The following LRRC52 variants were observed in gnomAD, a reference collection of about 807,000 sequenced individuals.
The protein encoded by LRRC52 is leucine rich repeat containing 52, also known as leucine-rich repeat-containing protein 52.
In LRRC52, 15 loss-of-function variants were observed where a neutral mutation model predicts 14.7. The ratio of observed to expected loss-of-function variants is 1.02; its 90% CI spans 0.68 to 1.58. The LOEUF is 1.58. LRRC52 is among the 40% of genes most tolerant of loss of function. LRRC52 has a pLI of 0.00. For synonymous variants in LRRC52, 180 were observed against 163.9 expected, an observed-to-expected ratio of 1.10 and a Z score of -0.75; for missense variants, 400 against 387.7, an observed-to-expected ratio of 1.03 and a Z score of -0.27.
chr1:165,558,205 G>A (rs899454772), intron 1 of LRRC52, among the ~76,000 whole-genome samples: 1 of 151,678 alleles, frequency 6.6e-6, no homozygotes, highest in African/African-American at 2.4e-5. Flanking sequence ...TAAACCAGGT[G>A]GTGGTTTATG....
chr1:165,562,319 A>G (rs755882795), intron 1 of LRRC52, among the ~76,000 whole-genome samples: 1 of 152,204 alleles, frequency 6.6e-6, no homozygotes, highest in African/African-American at 2.4e-5. Flanking sequence ...ACTGGCTGCT[A>G]TTATAATTTT....
chr1:165,545,070 G>C (rs1296167051), intron 1 of LRRC52, 152 bp downstream of exon 1: 1 of 979,676 alleles, frequency 1.0e-6, no homozygotes, highest in Non-Finnish European at 1.5e-6. Context: ...TGGGTTGACT[G>C]GAGTAGCAGT....
intron 1 of LRRC52, among the ~76,000 whole-genome samples, chr1:165,559,118 G>T (rs1049578472): frequency 2.0e-5 from 3 of 152,206 alleles, no homozygotes; most frequent in African/African-American, 4.8e-5. Flanking sequence ...GCCAGGTGTG[G>T]TGGCTCACGC....
At chr1:165,549,850 G>A (rs1001781142) in intron 1 of LRRC52, among the ~76,000 whole-genome samples, 5 of 152,108 alleles carry the variant, frequency 3.3e-5, no homozygotes, top group South Asian at 2.1e-4. Context: ...TCAAGTTGGC[G>A]AGATCTGGCA....
intron 1 of LRRC52, among the ~76,000 whole-genome samples, chr1:165,550,457 T>C (rs906358927): frequency 3.9e-5 from 6 of 152,236 alleles, no homozygotes; most frequent in African/African-American, 9.6e-5. Flanking sequence ...TTTATTTTAT[T>C]TTATTTCAAT....
intron 1 of LRRC52, among the ~76,000 whole-genome samples, chr1:165,552,516 G>C (rs1299156804): frequency 3.9e-5 from 6 of 152,180 alleles, no homozygotes; most frequent in African/African-American, 1.4e-4. Context: ...TGGAGGTAAG[G>C]CTAGGAAGGA....
At chr1:165,559,203 A>G (rs995142203) in intron 1 of LRRC52, among the ~76,000 whole-genome samples, 3 of 152,180 alleles carry the variant, frequency 2.0e-5, no homozygotes, top group African/African-American at 7.2e-5. Flanking sequence ...AGCCTGGCCA[A>G]CATGGTGAAA....
Position 165,544,870 on chromosome 1 carries a change from T to C in LRRC52, c.574T>C (p.Phe192Leu). The C allele has an allele frequency of 6.2e-7, 1 of 1,614,046 alleles. No homozygotes were observed. The highest frequency in any genetic ancestry group is 8.5e-7 in the Non-Finnish European group (1 of 1,179,904). The part of the protein sequence containing the change: ...SGNPWKCNCS[F>L]LDFAIFLIVF... Reference sequence around the variant, plus strand: ...AAACCCCTGGAAGTGCAACTGCTCTTTCCTGGACTTCGCCATCTTCTTAAT... The same window carrying C: ...AAACCCCTGGAAGTGCAACTGCTCTCTCCTGGACTTCGCCATCTTCTTAAT... Residue 192 changes from phenylalanine to leucine, a missense_variant, in exon 1 of 2, where the codon TTC becomes CTC. By Grantham distance (22) the Phe-to-Leu change is conservative (BLOSUM62 0). Transcript: ENST00000294818.
chr1:165,563,044 G>T (rs1237932854), intron 1 of LRRC52, among the ~76,000 whole-genome samples: 1 of 152,180 alleles, frequency 6.6e-6, no homozygotes, highest in Non-Finnish European at 1.5e-5. Flanking sequence ...AAGGGACAAG[G>T]TGAAGGGAAA....
chr1:165,547,130 C>T (rs1307755715), intron 1 of LRRC52, among the ~76,000 whole-genome samples: 5 of 152,104 alleles, frequency 3.3e-5, no homozygotes, highest in Admixed American at 2.0e-4. Context: ...ATTTTTAACC[C>T]TATCCTTGGA....
At chr1:165,545,078 A>C (rs1660992775) in intron 1 of LRRC52, among the ~76,000 whole-genome samples, 160 bp downstream of exon 1, 1 of 152,180 alleles carries the variant, frequency 6.6e-6, no homozygotes, top group Non-Finnish European at 1.5e-5. Flanking sequence ...CTGGAGTAGC[A>C]GTAAGAAAAA....
intron 1 of LRRC52, among the ~76,000 whole-genome samples, chr1:165,550,119 G>C (rs1661101856): frequency 6.6e-6 from 1 of 152,210 alleles, no homozygotes. Context: ...TTCCTGGCCA[G>C]CACTGTTATT....
chr1:165,544,776 C>G lies in LRRC52; in HGVS notation c.480C>G (p.Thr160=), dbSNP rs145989841. ...TGAGGTACCTGGACCTCAGAAATAC[C>G]GGCTTGCAGACCCTGGACAGTGCTG... The part of the protein sequence containing the change: ...TSLRYLDLRN[T]GLQTLDSAAL... The change falls in exon 1 of 2, where the codon ACC becomes ACG. Residue 160 remains threonine (T), a synonymous_variant. Transcript: ENST00000294818. The G allele has an allele frequency of 1.2e-6, 2 of 1,614,060 alleles. No homozygotes were observed. The highest frequency in any genetic ancestry group is 1.3e-5 in the African/African-American group (1 of 74,976).
chr1:165,547,881 C>A (rs1571105203), intron 1 of LRRC52, among the ~76,000 whole-genome samples: 1 of 152,158 alleles, frequency 6.6e-6, no homozygotes, highest in Non-Finnish European at 1.5e-5. Flanking sequence ...CTAGCCAAAC[C>A]TCAATGTAAG....
Position 165,561,591 on chromosome 1 carries a change from T to C in LRRC52, c.623-1914T>C, listed in dbSNP as rs144733751. On this transcript the variant is annotated intron_variant, in intron 1 of 1. Coordinates refer to ENST00000294818, the MANE Select transcript of LRRC52 (RefSeq NM_001005214.4). ...CAGCCCTCAACTCCTTTCCCTCTAC[T>C]TGAGAGCTCTCTGGTGGGGCAGGTT... Among the ~76,000 whole-genome samples, 819 of 152,330 alleles carry C rather than the reference T, an allele frequency of 5.4e-3. 4 individuals carry two copies. The highest frequency in any genetic ancestry group is 0.013 in the South Asian group (65 of 4,820).
chr1:165,545,750 C>G (rs1661009476), intron 1 of LRRC52, among the ~76,000 whole-genome samples: 1 of 152,100 alleles, frequency 6.6e-6, no homozygotes, highest in Admixed American at 6.5e-5. Context: ...CTGTCTCATC[C>G]TTACCCTCCA....
At chr1:165,552,470 C>T (rs955248113) in intron 1 of LRRC52, among the ~76,000 whole-genome samples, 7 of 152,074 alleles carry the variant, frequency 4.6e-5, no homozygotes, top group African/African-American at 1.7e-4. Context: ...GGGGAACATG[C>T]AATATATCCT....
rs1456270957 is a variant in LRRC52 at position 165,563,535 on chromosome 1, C to T, written c.653C>T (p.Thr218Ile). The T allele has an allele frequency of 1.2e-6, 2 of 1,614,008 alleles. No homozygotes were observed. Among genetic ancestry groups the T allele is most frequent in the South Asian group, 2.2e-5 (2 of 91,064 alleles). Residue 218 changes from threonine to isoleucine, a missense_variant, in exon 2 of 2, where the codon ACA becomes ATA. By Grantham distance (89) the Thr-to-Ile change is moderately conservative. Coordinates refer to ENST00000294818, the MANE Select transcript of LRRC52 (RefSeq NM_001005214.4). ...CTAAATGCCACATGTGTGGAGCCCA[C>T]AGAGCTGACAGGGTGGCCCATCACC... ...DDLNATCVEP[T>I]ELTGWPITRV...
At chr1:165,561,154 C>A (rs1464865732) in intron 1 of LRRC52, among the ~76,000 whole-genome samples, 1 of 152,106 alleles carries the variant, frequency 6.6e-6, no homozygotes, top group Non-Finnish European at 1.5e-5. Flanking sequence ...ACATCCCTCA[C>A]TTAGCAGCCT....
Sources: allele counts gnomAD v4.1 joint callset (sites outside exome capture counted in the v4.1 genomes callset), GRCh38; gene constraint gnomAD v4.1.1; transcripts MANE v1.5; gene names NCBI Gene and HGNC (gene_info 2026-07-23, HGNC 2026-07-21).